LANCL2: variants seen among roughly 807,000 people sequenced by gnomAD.
LANCL2 encodes LanC like glutathione S-transferase 2, also known as lanC-like protein 2.
A neutral mutation model predicts 56.9 loss-of-function variants in LANCL2; 33 were observed. That is an observed-to-expected ratio of 0.58 (90% CI 0.44 to 0.78). The LOEUF is 0.78. Ranked by LOEUF, LANCL2 falls within the 30% of genes least tolerant of loss-of-function variation. The pLI is 0.00. For missense variants in LANCL2, 562 were observed against 580.2 expected, an observed-to-expected ratio of 0.97 and a Z score of 0.32; for synonymous variants, 233 against 228.2, an observed-to-expected ratio of 1.02 and a Z score of -0.19.
intron 1 of LANCL2, among the ~76,000 whole-genome samples, chr7:55,386,165 G>T (rs1790123359): frequency 6.6e-6 from 1 of 152,006 alleles, no homozygotes; most frequent in Non-Finnish European, 1.5e-5. Context: ...ATTATTACAG[G>T]GTCCTGAGAT....
At chr7:55,414,845 G>T (rs1346770778) in intron 6 of LANCL2, among the ~76,000 whole-genome samples, 1 of 151,822 alleles carries the variant, frequency 6.6e-6, no homozygotes, top group East Asian at 1.9e-4. Context: ...TTATCTGGGT[G>T]TGGTGGCACG....
chr7:55,431,501 A>G lies in LANCL2; in HGVS notation c.*181A>G. On this transcript the variant is annotated 3_prime_UTR_variant, in exon 9 of 9. Transcript: ENST00000254770. ...AACATTTTCTAACAGCACCCTCATCAATATAAAATATGACTTCTTCACATA... is the reference window on the plus strand; with the variant it reads ...AACATTTTCTAACAGCACCCTCATCGATATAAAATATGACTTCTTCACATA... 3.6e-6 allele frequency: 2 copies of G among 550,930 alleles called. No homozygotes were observed. The highest frequency in any genetic ancestry group is 6.4e-6 in the Non-Finnish European group (2 of 312,792). The allele number at this position is 550,930 out of a possible 1,614,324, so 34.1% of individuals were successfully genotyped here. A position where few individuals can be genotyped will look rare whatever the true frequency, so the allele number is the denominator to read the frequency against.
chr7:55,375,901 A>T (rs1789994893), intron 1 of LANCL2, among the ~76,000 whole-genome samples: 1 of 152,076 alleles, frequency 6.6e-6, no homozygotes, highest in South Asian at 2.1e-4. Context: ...TGCTTTCCAC[A>T]TGGTCCTTAC....
At chr7:55,401,065 C>A in intron 4 of LANCL2, 109 bp from the exon 5 acceptor site, 1 of 736,284 alleles carries the variant, frequency 1.4e-6, no homozygotes, top group African/African-American at 1.8e-5. Context: ...TAGATTAAGG[C>A]TTCTGCCTCT....
At chr7:55,417,182 TGTTAG>T (rs1790553352) in intron 6 of LANCL2, among the ~76,000 whole-genome samples, 2 of 152,080 alleles carry the variant, frequency 1.3e-5, no homozygotes, top group South Asian at 4.1e-4. Flanking sequence ...GGTTTCACCG[TGTTAG>T]CCGGGATGGT....
At chr7:55,425,694 T>C (rs757552093) in intron 7 of LANCL2, among the ~76,000 whole-genome samples, 1 of 152,150 alleles carries the variant, frequency 6.6e-6, no homozygotes, top group Admixed American at 6.5e-5. Context: ...CCTGTGCCAT[T>C]TATTGGCTTT....
chr7:55,382,684 G>C (rs951699444), intron 1 of LANCL2, among the ~76,000 whole-genome samples: 2 of 152,128 alleles, frequency 1.3e-5, no homozygotes, highest in African/African-American at 4.8e-5. Context: ...AACTGGTTGA[G>C]CCCTGTTACC....
At chr7:55,388,726 C>A (rs955174080) in intron 1 of LANCL2, among the ~76,000 whole-genome samples, 2 of 152,214 alleles carry the variant, frequency 1.3e-5, no homozygotes, top group Admixed American at 1.3e-4. Flanking sequence ...CTCTTCAAGT[C>A]ACCACTTAAG....
intron 1 of LANCL2, among the ~76,000 whole-genome samples, chr7:55,385,066 A>G (rs1790109315): frequency 6.6e-6 from 1 of 152,184 alleles, no homozygotes; most frequent in East Asian, 1.9e-4. Flanking sequence ...GCACACCTGT[A>G]GTCCCAGTTA....
At chr7:55,422,309 C>A (rs1790617345) in intron 6 of LANCL2, among the ~76,000 whole-genome samples, 1 of 151,986 alleles carries the variant, frequency 6.6e-6, no homozygotes, top group African/African-American at 2.4e-5. Context: ...TCTGGGTTGA[C>A]TTTTTTTTCT....
chr7:55,380,258 C>T (rs1207319444), intron 1 of LANCL2, among the ~76,000 whole-genome samples: 1 of 152,136 alleles, frequency 6.6e-6, no homozygotes, highest in Non-Finnish European at 1.5e-5. Flanking sequence ...ACGTTGAAAT[C>T]CTCTTTGGCA....
intron 1 of LANCL2, among the ~76,000 whole-genome samples, chr7:55,390,642 G>A (rs558323483): frequency 6.4e-4 from 98 of 152,012 alleles, no homozygotes; most frequent in African/African-American, 2.0e-3. Context: ...TTAGCTGGGC[G>A]TGGTGGCAAG....
intron 2 of LANCL2, among the ~76,000 whole-genome samples, chr7:55,393,347 A>G (rs183631842): frequency 7.2e-4 from 110 of 152,346 alleles, no homozygotes; most frequent in African/African-American, 2.3e-3. Context: ...AGCCTGGGCA[A>G]CATGGCAAAA....
Position 55,412,930 on chromosome 7 carries a change from C to A in LANCL2, c.1008+841C>A, listed in dbSNP as rs549211517. ...AAATAATAAGAACTGATACCTGAGT[C>A]AATTTTATTTTTTCTTTACAGCTAC... On this transcript the variant is annotated intron_variant, in intron 6 of 8. Coordinates refer to ENST00000254770, the MANE Select transcript of LANCL2 (RefSeq NM_018697.4). Among the ~76,000 whole-genome samples, 14 of 152,248 alleles carry A rather than the reference C, an allele frequency of 9.2e-5. No homozygotes were observed. In the South Asian group the frequency reaches 2.7e-3, roughly 29 times the overall value.
chr7:55,414,414 A>G (rs543890513), intron 6 of LANCL2, among the ~76,000 whole-genome samples: 1 of 152,352 alleles, frequency 6.6e-6, no homozygotes, highest in Non-Finnish European at 1.5e-5. Flanking sequence ...TTTATGTAAT[A>G]ACAAGCTCTA....
At chr7:55,382,471 A>G (rs1790080339) in intron 1 of LANCL2, among the ~76,000 whole-genome samples, 1 of 152,210 alleles carries the variant, frequency 6.6e-6, no homozygotes, top group African/African-American at 2.4e-5. Context: ...CACAATTTGT[A>G]TTCACACAAA....
At chr7:55,429,693 A>G (rs778387876) in intron 8 of LANCL2, among the ~76,000 whole-genome samples, 3 of 152,266 alleles carry the variant, frequency 2.0e-5, no homozygotes, top group African/African-American at 4.8e-5. Flanking sequence ...AATGCAATGC[A>G]TTTGCATCAG....
At chr7:55,421,050 T>C (rs1380351956) in intron 6 of LANCL2, among the ~76,000 whole-genome samples, 1 of 152,218 alleles carries the variant, frequency 6.6e-6, no homozygotes, top group Non-Finnish European at 1.5e-5. Flanking sequence ...TTAATGCAGC[T>C]GCTCCAGCAT....
At chr7:55,428,143 A>ACTTCCCAGCAGCTGT in intron 7 of LANCL2, 2 of 571,502 alleles carry the variant, frequency 3.5e-6, no homozygotes, top group South Asian at 4.6e-5. Flanking sequence ...TTCACCTCGG[A>ACTTCCCAGCAGCTGT]CTTCCCAGCA....
Sources: gnomAD v4.1 joint callset for allele counts (sites outside exome capture counted in the v4.1 genomes callset) on GRCh38, gnomAD v4.1.1 for gene constraint, MANE v1.5 for transcripts, NCBI Gene and HGNC (gene_info 2026-07-23, HGNC 2026-07-21) for gene names.